Variants in CCDC126 observed in about 807,000 individuals in gnomAD.
CCDC126 encodes coiled-coil domain-containing protein 126.
In CCDC126, 5 loss-of-function variants were observed where a neutral mutation model predicts 11.7. That is an observed-to-expected ratio of 0.43 (90% confidence interval 0.22 to 0.90). The LOEUF is 0.90. Ranked by LOEUF, CCDC126 falls within the 40% of genes least tolerant of loss-of-function variation. CCDC126 has a pLI of 0.27. For synonymous variants in CCDC126, 60 were observed against 61.9 expected (o/e 0.97, Z 0.14); for missense variants, 150 against 163.1 (o/e 0.92, Z 0.44).
At chr7:23,640,016 C>T (rs1185903278) in intron 3 of CCDC126, among the ~76,000 whole-genome samples, 1 of 151,448 alleles carries the variant, frequency 6.6e-6, no homozygotes, top group Admixed American at 6.6e-5. Flanking sequence ...AACCCTGTCT[C>T]TACTAAAAAT....
At position 23,611,409 on chromosome 7, in the gene CCDC126, T is replaced by C. The variant is rs774476418; in HGVS notation, c.94T>C (p.Tyr32His). 28 of 1,613,970 alleles carry C rather than the reference T, an allele frequency of 1.7e-5. No homozygotes were observed. In the South Asian group the frequency reaches 3.1e-4, roughly 18 times the overall value. Reference sequence around the variant, plus strand: ...CATTTGGGGATTGATGTTACTGCACTATACTTTTCAACAACCAAGACATCA... The same window carrying C: ...CATTTGGGGATTGATGTTACTGCACCATACTTTTCAACAACCAAGACATCA... The part of the protein sequence containing the change: ...GLIWGLMLLH[Y>H]TFQQPRHQSS... Residue 32 changes from tyrosine to histidine, a missense_variant, in exon 3 of 4, where the codon TAT becomes CAT. Transcript: ENST00000307471.
chr7:23,639,349 G>A (rs986971522), intron 3 of CCDC126, among the ~76,000 whole-genome samples: 1 of 152,082 alleles, frequency 6.6e-6, no homozygotes, highest in African/African-American at 2.4e-5. Context: ...GTGCCATCAC[G>A]CCTGGGCTAA....
chr7:23,623,069 G>A (rs1782949131), intron 3 of CCDC126, among the ~76,000 whole-genome samples: 1 of 150,738 alleles, frequency 6.6e-6, no homozygotes, highest in Non-Finnish European at 1.5e-5. Context: ...TGCCTCCCGG[G>A]TTCAGGCGGT....
At chr7:23,637,192 C>T (rs1584218460) in intron 3 of CCDC126, among the ~76,000 whole-genome samples, 1 of 53,644 alleles carries the variant, frequency 1.9e-5, no homozygotes, top group Admixed American at 1.6e-4. Flanking sequence ...CCGCCCCGTC[C>T]GGGAGGGAGG....
At chr7:23,640,199 A>G (rs1005698163) in intron 3 of CCDC126, among the ~76,000 whole-genome samples, 1 of 148,066 alleles carries the variant, frequency 6.8e-6, no homozygotes, top group Non-Finnish European at 1.5e-5. Context: ...AATAATAATA[A>G]TAAAATAAAA....
chr7:23,605,531 C>T (rs1443910575), intron 2 of CCDC126, among the ~76,000 whole-genome samples: 1 of 152,018 alleles, frequency 6.6e-6, no homozygotes, highest in Non-Finnish European at 1.5e-5. Context: ...CATCATGCAA[C>T]CATCACTACC....
rs201766706 is a variant in CCDC126 at position 23,621,537 on chromosome 7, G to T, written c.238+9984G>T. 6.6e-5 allele frequency among the ~76,000 whole-genome samples: 10 copies of T among 152,006 alleles called. No individual in the cohort carries two copies. The South Asian group carries it at 1.2e-3, about 19-fold the overall frequency. ...ATGTCATCTGCAAACAGGGACAATTGGACTTCCTCTTTTCCTAATTGAATA... is the reference window on the plus strand; with the variant it reads ...ATGTCATCTGCAAACAGGGACAATTTGACTTCCTCTTTTCCTAATTGAATA... On this transcript the variant is annotated intron_variant, in intron 3 of 3. Coordinates refer to ENST00000307471, the MANE Select transcript of CCDC126 (RefSeq NM_138771.4).
intron 2 of CCDC126, among the ~76,000 whole-genome samples, chr7:23,606,238 T>G (rs1782621466): frequency 6.6e-6 from 1 of 152,036 alleles, no homozygotes; most frequent in Admixed American, 6.6e-5. Context: ...TTTTGTATTT[T>G]TAGTAGAGAC....
intron 3 of CCDC126, among the ~76,000 whole-genome samples, chr7:23,641,931 CT>C (rs1344376855): frequency 6.6e-6 from 1 of 152,216 alleles, no homozygotes; most frequent in Non-Finnish European, 1.5e-5. Context: ...AACTCCACCC[CT>C]GTGGAGGTTC....
At chr7:23,606,781 T>G (rs1782629852) in intron 2 of CCDC126, among the ~76,000 whole-genome samples, 1 of 152,158 alleles carries the variant, frequency 6.6e-6, no homozygotes, top group East Asian at 1.9e-4. Flanking sequence ...ATTTTTTGCC[T>G]TTAAAACTCC....
At chr7:23,598,886 C>G (rs568869306) in intron 2 of CCDC126, among the ~76,000 whole-genome samples, 1 of 152,176 alleles carries the variant, frequency 6.6e-6, no homozygotes, top group Non-Finnish European at 1.5e-5. Flanking sequence ...GTCCTCATCT[C>G]TAAAATAGTG....
chr7:23,611,195 G>T lies in CCDC126; in HGVS notation c.-121G>T. On this transcript the variant is annotated 5_prime_UTR_variant, in exon 3 of 4. Coordinates refer to ENST00000307471, the MANE Select transcript of CCDC126 (RefSeq NM_138771.4). ...GAGTTAATAGAGTGGATACAACCTT[G>T]CTGAAGATGAAGAATATACAATATT... 1.5e-6 allele frequency: 1 copy of T among 669,090 alleles called. No individual in the cohort carries two copies. Among genetic ancestry groups the T allele is most frequent in the South Asian group, 1.8e-5 (1 of 54,938 alleles). The allele number at this position is 669,090 out of a possible 1,614,324, so 41.4% of individuals were successfully genotyped here. A position where few individuals can be genotyped will look rare whatever the true frequency, so the allele number is the denominator to read the frequency against.
Position 23,643,935 on chromosome 7 carries a change from G to GAAA in CCDC126, c.*821_*822insAAA, listed in dbSNP as rs1783412689. 6.6e-6 allele frequency: 1 copy of GAAA among 152,056 alleles called. No homozygotes were observed. The highest frequency in any genetic ancestry group is 6.6e-5 in the Admixed American group (1 of 15,258). 9.4% of individuals were successfully genotyped at this position (152,056 alleles called of 1,614,324 possible). On this transcript the variant is annotated 3_prime_UTR_variant, in exon 4 of 4. Transcript: ENST00000307471. ...TGTTCATTTAAAAGTTTAATCCTTT[G>GAAA]AGTGTCTATGCTATCAGGAAAGCAC... is the stretch of plus-strand genomic sequence containing the variant.
At chr7:23,612,169 A>T (rs971675129) in intron 3 of CCDC126, among the ~76,000 whole-genome samples, 1 of 149,492 alleles carries the variant, frequency 6.7e-6, no homozygotes, top group African/African-American at 2.5e-5. Flanking sequence ...AAAAAAATGT[A>T]TCTTGGGCTG....
chr7:23,627,998 C>G (rs905210166), intron 3 of CCDC126, among the ~76,000 whole-genome samples: 8 of 151,952 alleles, frequency 5.3e-5, no homozygotes, highest in African/African-American at 1.9e-4. Context: ...GTAAAATGAC[C>G]AAGATTAAAA....
intron 3 of CCDC126, among the ~76,000 whole-genome samples, chr7:23,631,348 T>G (rs1309600119): frequency 6.6e-6 from 1 of 152,136 alleles, no homozygotes; most frequent in Non-Finnish European, 1.5e-5. Context: ...AAAAGGATAA[T>G]GAACAGTGAA....
intron 2 of CCDC126, among the ~76,000 whole-genome samples, chr7:23,607,751 G>A (rs1003638617): frequency 6.6e-6 from 1 of 152,154 alleles, no homozygotes; most frequent in Admixed American, 6.5e-5. Flanking sequence ...AGCCTACCCT[G>A]GGGGTAACGA....
At chr7:23,617,459 A>G (rs543220444) in intron 3 of CCDC126, among the ~76,000 whole-genome samples, 6 of 152,090 alleles carry the variant, frequency 3.9e-5, no homozygotes, top group East Asian at 1.9e-4. Flanking sequence ...GTTTCTTCCA[A>G]ATATATCTGG....
chr7:23,628,772 G>T (rs897482224), intron 3 of CCDC126, among the ~76,000 whole-genome samples: 1 of 152,204 alleles, frequency 6.6e-6, no homozygotes, highest in Non-Finnish European at 1.5e-5. Context: ...CTGGTGTGAT[G>T]TCAGGGGAAG....
Sources: gnomAD v4.1 joint callset for allele counts (sites outside exome capture counted in the v4.1 genomes callset) on GRCh38, gnomAD v4.1.1 for gene constraint, MANE v1.5 for transcripts, NCBI Gene and HGNC (gene_info 2026-07-23, HGNC 2026-07-21) for gene names.